CECR2: variants seen among roughly 807,000 people sequenced by gnomAD.
CECR2 encodes chromatin remodeling regulator CECR2.
In CECR2, 30 loss-of-function variants were observed where a neutral mutation model predicts 154.5. That is an observed-to-expected ratio of 0.19 (90% confidence interval 0.15 to 0.26). The LOEUF (loss-of-function observed/expected upper bound fraction) is 0.26, where lower values mean the gene tolerates loss of function less well. Among genes scored for constraint, CECR2 ranks in the 10% least tolerant of loss-of-function variants. The pLI is 1.00. For synonymous variants in CECR2, 725 were observed against 683.7 expected, an observed-to-expected ratio of 1.06 and a Z score of -0.94; for missense variants, 1,743 against 1,829.3, an observed-to-expected ratio of 0.95 and a Z score of 0.86.
chr22:17,479,114 A>C (rs1035043531), intron 2 of CECR2, among the ~76,000 whole-genome samples: 1 of 152,246 alleles, frequency 6.6e-6, no homozygotes, highest in Non-Finnish European at 1.5e-5. Context: ...TAGCTGTTAT[A>C]AACATATATA....
rs772841909 is a variant in CECR2 at position 17,542,833 on chromosome 22, C to T, written c.2690C>T (p.Pro897Leu). ...AMQQLSSRVC[P>L]PGVPYHPHQP... ...CAGCAGCTCTCCTCCCGCGTCTGCC[C>T]CCCAGGTGTGCCTTACCACCCCCAC... Residue 897 changes from proline to leucine, a missense_variant, in exon 16 of 19, where the codon CCC (proline) becomes CTC (leucine). Physicochemically the swap from Pro to Leu is moderately conservative, Grantham distance 98 (BLOSUM62 -3). Around this residue, in one of 4 missense-constraint regions of CECR2, gnomAD observed 1,250 missense variants for 1,192.1 expected, o/e 1.05. Transcript: ENST00000262608. 14 of 1,613,690 alleles carry T rather than the reference C, an allele frequency of 8.7e-6. 1 individual carries two copies. In the South Asian group the frequency reaches 1.3e-4, roughly 15 times the overall value.
intron 1 of CECR2, among the ~76,000 whole-genome samples, chr22:17,457,250 C>G (rs5747170): frequency 0.2 from 30,930 of 152,174 alleles, 3,749 homozygotes; most frequent in South Asian, 0.43. Context: ...TGGTCTGGAA[C>G]TGCTGACCTC....
intron 1 of CECR2, among the ~76,000 whole-genome samples, chr22:17,420,518 C>T (rs567557335): frequency 2.6e-5 from 4 of 152,216 alleles, no homozygotes; most frequent in East Asian, 1.9e-4. Context: ...AAAACATGCA[C>T]GCAACCCTAA....
chr22:17,434,617 A>G (rs1314303504), intron 1 of CECR2, among the ~76,000 whole-genome samples: 1 of 149,792 alleles, frequency 6.7e-6, no homozygotes, highest in Non-Finnish European at 1.5e-5. Flanking sequence ...ACCATGGATT[A>G]GAACCCCCCA....
chr22:17,535,686 A>AG lies in CECR2; in HGVS notation c.1109-1416dup, dbSNP rs555123191. Among the ~76,000 whole-genome samples the AG allele has an allele frequency of 7.2e-5, 10 of 138,278 alleles. No homozygotes were observed. In the South Asian group the frequency reaches 2.2e-3, roughly 30 times the overall value. The allele number at this position is 138,278 out of a possible 152,430, so 90.7% of individuals were successfully genotyped here. Reference sequence around the variant, plus strand: ...TGGTTGAAATTTTTCTTTTTTTTCCAGAAAAAAAAAAAATAGTTGGTTTAG... The same window carrying AG: ...TGGTTGAAATTTTTCTTTTTTTTCCAGGAAAAAAAAAAAATAGTTGGTTTAG... On this transcript the variant is annotated intron_variant, in intron 9 of 18. Transcript: ENST00000262608.
chr22:17,379,183 C>T (rs2063155867), intron 1 of CECR2, among the ~76,000 whole-genome samples: 1 of 152,100 alleles, frequency 6.6e-6, no homozygotes, highest in Non-Finnish European at 1.5e-5. Flanking sequence ...TTTCGAACTC[C>T]TGACCTCCAG....
intron 10 of CECR2, among the ~76,000 whole-genome samples, chr22:17,537,780 G>C (rs1237567442): frequency 6.6e-6 from 1 of 152,152 alleles, no homozygotes; most frequent in Non-Finnish European, 1.5e-5. Context: ...ATCACCTGAG[G>C]TCAGGAGTTC....
chr22:17,421,800 G>A (rs948873554), intron 1 of CECR2, among the ~76,000 whole-genome samples: 2 of 150,048 alleles, frequency 1.3e-5, no homozygotes, highest in Admixed American at 1.3e-4. Flanking sequence ...CTTGCACTGG[G>A]TGTTCCCTTC....
At chr22:17,460,756 A>G (rs938055997) in intron 1 of CECR2, among the ~76,000 whole-genome samples, 3 of 152,202 alleles carry the variant, frequency 2.0e-5, no homozygotes, top group Non-Finnish European at 4.4e-5. Context: ...AATAAACACT[A>G]TCTACACAGC....
chr22:17,415,624 G>A (rs1314309854), intron 1 of CECR2, among the ~76,000 whole-genome samples: 3 of 152,168 alleles, frequency 2.0e-5, no homozygotes, highest in African/African-American at 7.2e-5. Flanking sequence ...ATGGGGAGAT[G>A]TCTTAAAGTA....
intron 1 of CECR2, among the ~76,000 whole-genome samples, chr22:17,400,731 T>A (rs952491466): frequency 6.6e-6 from 1 of 152,160 alleles, no homozygotes; most frequent in African/African-American, 2.4e-5. Context: ...GTGTATAGTT[T>A]GTTGGCAGGA....
chr22:17,381,035 T>G (rs1484865987), intron 1 of CECR2, among the ~76,000 whole-genome samples: 1 of 116,200 alleles, frequency 8.6e-6, no homozygotes, highest in Non-Finnish European at 1.6e-5. Context: ...CTTTTAGGTG[T>G]GGGGACAATT....
At position 17,542,836 on chromosome 22, in the gene CECR2, C is replaced by A. The variant is rs574162099; in HGVS notation, c.2693C>A (p.Pro898Gln). ...MQQLSSRVCP[P>Q]GVPYHPHQPA... ...CAGCTCTCCTCCCGCGTCTGCCCCC[C>A]AGGTGTGCCTTACCACCCCCACCAG... The change falls in exon 16 of 19, where the codon CCA (proline) becomes CAA (glutamine). Residue 898 changes from proline to glutamine, a missense_variant. Pro to Gln is a moderately conservative substitution (Grantham distance 76, BLOSUM62 -1). Transcript: ENST00000262608. The A allele has an allele frequency of 4.3e-6, 7 of 1,613,682 alleles. No individual in the cohort carries two copies. Among genetic ancestry groups the A allele is most frequent in the Non-Finnish European group, 5.9e-6 (7 of 1,179,766 alleles).
chr22:17,505,173 C>T (rs2055816098), intron 7 of CECR2, among the ~76,000 whole-genome samples, 157 bp downstream of exon 7: 1 of 152,082 alleles, frequency 6.6e-6, no homozygotes, highest in Admixed American at 6.6e-5. Context: ...GGACCTCATG[C>T]CACCCCCTCT....
chr22:17,512,680 G>A (rs1306168718), intron 8 of CECR2, among the ~76,000 whole-genome samples: 1 of 149,358 alleles, frequency 6.7e-6, no homozygotes, highest in African/African-American at 2.5e-5. Flanking sequence ...TCCAGCCTGG[G>A]CAACTTCAGA....
At chr22:17,498,949 T>C (rs1289835531) in intron 3 of CECR2, among the ~76,000 whole-genome samples, 1 of 152,172 alleles carries the variant, frequency 6.6e-6, no homozygotes, top group Non-Finnish European at 1.5e-5. Flanking sequence ...CTTATGCTGA[T>C]TGAAAATTAC....
At chr22:17,501,537 G>A (rs1386445898) in intron 5 of CECR2, among the ~76,000 whole-genome samples, 1 of 151,390 alleles carries the variant, frequency 6.6e-6, no homozygotes, top group East Asian at 1.9e-4. Flanking sequence ...CAGCCTGGGC[G>A]ACACAGCGAT....
chr22:17,557,739 T>G lies in CECR2; in HGVS notation c.*4899T>G, dbSNP rs567828241. 1 of 152,264 alleles carries G rather than the reference T, an allele frequency of 6.6e-6. No individual in the cohort carries two copies. Among genetic ancestry groups the G allele is most frequent in the Non-Finnish European group, 1.5e-5 (1 of 68,126 alleles). The allele number at this position is 152,264 out of a possible 1,614,324, so 9.4% of individuals were successfully genotyped here. A position where few individuals can be genotyped will look rare whatever the true frequency, so the allele number is the denominator to read the frequency against. ...ATGCTGACCCCCGTTCAGGAAACCA[T>G]GCAGCCCCTTCCCTTCCCTTCCCTT... On this transcript the variant is annotated 3_prime_UTR_variant, in exon 19 of 19. Coordinates refer to ENST00000262608, the MANE Select transcript of CECR2 (RefSeq NM_001290047.2).
rs1025241440 is a variant in CECR2, at chr22:17,550,297, G to A, written c.4277+733G>A. ...CAAGTAGCTGGGATTACAGGTGCCC[G>A]CCACCACACCTGGCTGAGTTTTGTA... is the stretch of plus-strand genomic sequence containing the variant. On this transcript the variant is annotated intron_variant, in intron 17 of 18. Transcript: ENST00000262608. 4.8e-5 allele frequency: 9 copies of A among 188,040 alleles called. No homozygotes were observed. In the Middle Eastern group the frequency reaches 1.9e-3, roughly 40 times the overall value. 11.6% of individuals were successfully genotyped at this position (188,040 alleles called of 1,614,324 possible). A position where few individuals can be genotyped will look rare whatever the true frequency, so the allele number is the denominator to read the frequency against.
Sources: allele counts gnomAD v4.1 joint callset (sites outside exome capture counted in the v4.1 genomes callset), GRCh38; gene constraint gnomAD v4.1.1; regional missense constraint gnomAD v4.1.1; transcripts MANE v1.5; gene names NCBI Gene and HGNC (gene_info 2026-07-23, HGNC 2026-07-21).